The following RNF115 variants were observed in gnomAD, a reference collection of about 807,000 sequenced individuals.
RNF115 encodes E3 ubiquitin-protein ligase RNF115.
A neutral mutation model predicts 39.2 loss-of-function variants in RNF115; 31 were observed. That is an observed-to-expected ratio of 0.79 (90% CI 0.59 to 1.07). The LOEUF (loss-of-function observed/expected upper bound fraction) is 1.07. Among genes scored for constraint, RNF115 ranks in the 50% least tolerant of loss-of-function variants. The pLI is 0.00. For missense variants in RNF115, 384 were observed against 381.7 expected, an observed-to-expected ratio of 1.01 and a Z score of -0.05; for synonymous variants, 124 against 131.0, an observed-to-expected ratio of 0.95 and a Z score of 0.37.
At chr1:145,769,367 C>T (rs1470856575) in intron 4 of RNF115, among the ~76,000 whole-genome samples, 1 of 152,134 alleles carries the variant, frequency 6.6e-6, no homozygotes, top group Non-Finnish European at 1.5e-5. Context: ...GCTATTATTA[C>T]TATTAATTCA....
At chr1:145,816,650 T>A (rs1650005444) in intron 1 of RNF115, among the ~76,000 whole-genome samples, 1 of 141,714 alleles carries the variant, frequency 7.1e-6, no homozygotes, top group African/African-American at 2.5e-5. Context: ...TGAGAGCTCA[T>A]TAAAAGCTGA....
intron 4 of RNF115, among the ~76,000 whole-genome samples, chr1:145,766,023 T>C (rs1553714763): frequency 6.6e-6 from 1 of 151,634 alleles, no homozygotes; most frequent in African/African-American, 2.4e-5. Context: ...TTTTAATTGA[T>C]CATTCTTGGG....
At position 145,824,075 on chromosome 1, in the gene RNF115, A is replaced by C; in HGVS notation, c.-202T>G. On this transcript the variant is annotated 5_prime_UTR_variant, in exon 1 of 9. Coordinates refer to ENST00000582693, the MANE Select transcript of RNF115 (RefSeq NM_014455.4). ...CCTGCGGCCCGCCTCCCAGCACCAA[A>C]GAGGCGCAGGAAGGAGAGACAAACG... The C allele has an allele frequency of 2.1e-6, 1 of 469,222 alleles. No homozygotes were observed. 29.1% of individuals were successfully genotyped at this position (469,222 alleles called of 1,614,324 possible).
rs955331873 is a variant in RNF115 at position 145,823,984 on chromosome 1, G to A, written c.-111C>T. The A allele has an allele frequency of 4.7e-5, 35 of 747,894 alleles. No homozygotes were observed. Among genetic ancestry groups the A allele is most frequent in the Middle Eastern group, 3.9e-4 (1 of 2,582 alleles). 46.3% of individuals were successfully genotyped at this position (747,894 alleles called of 1,614,324 possible). On this transcript the variant is annotated 5_prime_UTR_variant, in exon 1 of 9. Transcript: ENST00000582693. Reference sequence around the variant, plus strand: ...CGCCGCCGCCTCGGTGCGGCCCACCGCTTCAGAGCCCGCGTCGGTCACGTG... The same window carrying A: ...CGCCGCCGCCTCGGTGCGGCCCACCACTTCAGAGCCCGCGTCGGTCACGTG...
intron 4 of RNF115, among the ~76,000 whole-genome samples, chr1:145,767,388 G>T (rs1647380334): frequency 6.6e-6 from 1 of 151,690 alleles, no homozygotes; most frequent in Non-Finnish European, 1.5e-5. Context: ...TGGCAGGGCA[G>T]AGGCGCTCCC....
chr1:145,781,932 C>G (rs1471401145), intron 3 of RNF115, among the ~76,000 whole-genome samples: 1 of 129,570 alleles, frequency 7.7e-6, no homozygotes, highest in African/African-American at 3.0e-5. Context: ...ATAAGAGTTT[C>G]ACTCTTATTG....
chr1:145,751,816 T>C (rs781799867), intron 5 of RNF115, among the ~76,000 whole-genome samples: 3 of 152,228 alleles, frequency 2.0e-5, no homozygotes, highest in Non-Finnish European at 2.9e-5. Context: ...TTGTGTTTTC[T>C]GTGCCCACTG....
At position 145,756,107 on chromosome 1, in the gene RNF115, A is replaced by G. The variant is rs1282525807; in HGVS notation, c.429-3058T>C. 2.6e-5 allele frequency among the ~76,000 whole-genome samples: 4 copies of G among 152,154 alleles called. No homozygotes were observed. In the East Asian group the frequency reaches 7.7e-4, roughly 29 times the overall value. ...TTCAAGCAAAGATCGAATCCAAGGCACTGCCAAAAGACTGATTTCAGATGA... is the reference window on the plus strand; with the variant it reads ...TTCAAGCAAAGATCGAATCCAAGGCGCTGCCAAAAGACTGATTTCAGATGA... On this transcript the variant is annotated intron_variant, in intron 4 of 8. Coordinates refer to ENST00000582693, the MANE Select transcript of RNF115 (RefSeq NM_014455.4).
intron 2 of RNF115, among the ~76,000 whole-genome samples, chr1:145,788,440 T>A (rs1648490313): frequency 2.0e-5 from 3 of 152,178 alleles, no homozygotes; most frequent in African/African-American, 7.2e-5. Context: ...AACAATTGGT[T>A]TTCCTGGCTA....
intron 3 of RNF115, chr1:145,772,801 C>T (rs1156729557): frequency 1.3e-5 from 2 of 152,140 alleles, no homozygotes; most frequent in Non-Finnish European, 2.9e-5. Flanking sequence ...GCAATTACTT[C>T]TTAAACATGT....
chr1:145,741,569 C>T lies in RNF115; in HGVS notation c.*5297G>A, dbSNP rs1450653777. Reference sequence around the variant, plus strand: ...AGGATTTCCCCCTATAGGACAGCCACTTGTGATACTTACCCCATCAAAGTT... The same window carrying T: ...AGGATTTCCCCCTATAGGACAGCCATTTGTGATACTTACCCCATCAAAGTT... On this transcript the variant is annotated 3_prime_UTR_variant, in exon 9 of 9. Coordinates refer to ENST00000582693, the MANE Select transcript of RNF115 (RefSeq NM_014455.4). 6.6e-6 allele frequency: 1 copy of T among 152,278 alleles called. No individual in the cohort carries two copies. The highest frequency in any genetic ancestry group is 2.4e-5 in the African/African-American group (1 of 41,450). 9.4% of individuals were successfully genotyped at this position (152,278 alleles called of 1,614,324 possible).
intron 4 of RNF115, among the ~76,000 whole-genome samples, chr1:145,770,131 A>G (rs927017104): frequency 6.6e-6 from 1 of 152,218 alleles, no homozygotes; most frequent in South Asian, 2.1e-4. Flanking sequence ...AAGGGAGAAA[A>G]ACTCTAAGGT....
Position 145,775,779 on chromosome 1 carries a change from T to C in RNF115, c.220-3860A>G, listed in dbSNP as rs138001395. Among the ~76,000 whole-genome samples the C allele has an allele frequency of 8.1e-3, 1,236 of 152,114 alleles. 12 individuals are homozygous for C. The highest frequency in any genetic ancestry group is 0.013 in the Non-Finnish European group (880 of 67,982). On this transcript the variant is annotated intron_variant, in intron 3 of 8. Transcript: ENST00000582693. ...AGGCTAAGGCGGTGGGGGGGATCAC[T>C]GAGGCCAGAAGTTCGAGATCAGCCT...
chr1:145,787,509 T>C (rs1648438670), intron 2 of RNF115, among the ~76,000 whole-genome samples: 2 of 146,858 alleles, frequency 1.4e-5, no homozygotes, highest in Non-Finnish European at 3.0e-5. Context: ...GAGGCAGAGA[T>C]TGCAGTGAGC....
At chr1:145,759,421 T>G (rs587624106) in intron 4 of RNF115, among the ~76,000 whole-genome samples, 1 of 152,318 alleles carries the variant, frequency 6.6e-6, no homozygotes, top group South Asian at 2.1e-4. Flanking sequence ...CAGTGGATGG[T>G]GGCTCCATTC....
At chr1:145,815,119 T>C (rs2101609869) in intron 1 of RNF115, among the ~76,000 whole-genome samples, 2 of 152,306 alleles carry the variant, frequency 1.3e-5, no homozygotes, top group East Asian at 3.8e-4. Context: ...GCTACTTTTA[T>C]TATGGGTGGT....
intron 1 of RNF115, among the ~76,000 whole-genome samples, chr1:145,800,805 T>C (rs1243671608): frequency 6.6e-6 from 1 of 152,236 alleles, no homozygotes; most frequent in Non-Finnish European, 1.5e-5. Flanking sequence ...TAAGTTATTG[T>C]ATTAAGCCAC....
intron 1 of RNF115, among the ~76,000 whole-genome samples, chr1:145,795,781 T>G (rs1648950697): frequency 6.6e-6 from 1 of 152,192 alleles, no homozygotes; most frequent in Admixed American, 6.5e-5. Context: ...AATAAAAGCT[T>G]TCTAAATAGT....
chr1:145,823,823 G>A lies in RNF115; in HGVS notation c.51C>T (p.Ala17=). 6.3e-7 allele frequency: 1 copy of A among 1,585,076 alleles called. No homozygotes were observed. Among genetic ancestry groups the A allele is most frequent in the Non-Finnish European group, 8.6e-7 (1 of 1,169,130 alleles). The change falls in exon 1 of 9, where the codon GCC becomes GCT. Residue 17 remains alanine, a synonymous_variant. Coordinates refer to ENST00000582693, the MANE Select transcript of RNF115 (RefSeq NM_014455.4). ...TGCAAAAGTGGCAGAAAAACCGGTG[G>A]GCGGCTACAGCGGCGCCCGAGTCCG... ...AGADSGAAVA[A]HRFFCHFCKG...
Sources: gnomAD v4.1 joint callset for allele counts (sites outside exome capture counted in the v4.1 genomes callset) on GRCh38, gnomAD v4.1.1 for gene constraint, MANE v1.5 for transcripts, NCBI Gene and HGNC (gene_info 2026-07-23, HGNC 2026-07-21) for gene names.